IFNG-AS1: variants seen among roughly 807,000 people sequenced by gnomAD.
IFNG-AS1 encodes the protein IFNG regulatory antisense RNA 1.
intron 2 of IFNG-AS1, among the ~76,000 whole-genome samples, chr12:68,002,355 T>G (rs2906859): frequency 7.9e-5 from 12 of 152,074 alleles, no homozygotes; most frequent in African/African-American, 2.4e-4. Flanking sequence ...GTTGTGTCAA[T>G]GGACTCTCCC....
chr12:67,997,927 A>G (rs1262986427), intron 2 of IFNG-AS1, among the ~76,000 whole-genome samples: 1 of 152,102 alleles, frequency 6.6e-6, no homozygotes, highest in Non-Finnish European at 1.5e-5. Flanking sequence ...CTAGTGAAAT[A>G]CAAATTAAAA....
At chr12:67,999,309 G>A (rs1015725402) in intron 2 of IFNG-AS1, among the ~76,000 whole-genome samples, 1 of 152,112 alleles carries the variant, frequency 6.6e-6, no homozygotes, top group Non-Finnish European at 1.5e-5. Context: ...GACACCAGTA[G>A]CAATGAACAC....
At chr12:68,006,874 G>A (rs1200311832) in intron 3 of IFNG-AS1, among the ~76,000 whole-genome samples, 1 of 152,204 alleles carries the variant, frequency 6.6e-6, no homozygotes, top group Admixed American at 6.5e-5. Context: ...GCAGCTTTGT[G>A]AGACCATGAC....
intron 3 of IFNG-AS1, among the ~76,000 whole-genome samples, chr12:68,018,376 G>A (rs1301479194): frequency 1.3e-5 from 2 of 152,034 alleles, no homozygotes; most frequent in African/African-American, 4.8e-5. Flanking sequence ...ATACTCTCAG[G>A]GAACTCATCT....
At chr12:67,993,972 A>G (rs972494084) in intron 1 of IFNG-AS1, among the ~76,000 whole-genome samples, 2 of 152,222 alleles carry the variant, frequency 1.3e-5, no homozygotes, top group African/African-American at 4.8e-5. Context: ...CATAAAGGGC[A>G]GAGGGTCTCA....
intron 3 of IFNG-AS1, among the ~76,000 whole-genome samples, chr12:68,009,833 A>C (rs1879986195): frequency 6.6e-6 from 1 of 152,200 alleles, no homozygotes. Flanking sequence ...CCAGGGAAGC[A>C]GTACTCACTG....
chr12:68,011,975 A>G lies in IFNG-AS1; in HGVS notation n.241+5829A>G, dbSNP rs146023625. Among the ~76,000 whole-genome samples the G allele has an allele frequency of 1.2e-3, 184 of 152,230 alleles. 1 individual carries two copies. Among genetic ancestry groups the G allele is most frequent in the Non-Finnish European group, 1.3e-4 (9 of 68,004 alleles). ...TTACCCTGGAATGTCAGAACAAGCA[A>G]TCTGCTTTGAGTTGGGGAAGGTTTG... On this transcript the variant is annotated intron_variant and non_coding_transcript_variant, in intron 3 of 5. Coordinates refer to ENST00000536914, the Ensembl canonical transcript of IFNG-AS1.
At chr12:67,996,399 C>A (rs1341697268) in intron 2 of IFNG-AS1, among the ~76,000 whole-genome samples, 1 of 152,172 alleles carries the variant, frequency 6.6e-6, no homozygotes, top group East Asian at 1.9e-4. Context: ...AAAGATCATA[C>A]TTGTTGTATA....
intron 2 of IFNG-AS1, among the ~76,000 whole-genome samples, chr12:67,996,240 G>A (rs745946044): frequency 5.9e-5 from 9 of 152,206 alleles, no homozygotes; most frequent in South Asian, 2.1e-4. Context: ...TCAAAATACC[G>A]TATGATAGCA....
intron 2 of IFNG-AS1, among the ~76,000 whole-genome samples, chr12:68,004,845 T>G (rs907035082): frequency 9.9e-5 from 15 of 152,194 alleles, no homozygotes; most frequent in African/African-American, 3.4e-4. Context: ...TTCTCTGGAC[T>G]TTTCTTAGCG....
At chr12:67,996,357 A>C (rs1879641917) in intron 2 of IFNG-AS1, among the ~76,000 whole-genome samples, 1 of 152,262 alleles carries the variant, frequency 6.6e-6, no homozygotes. Flanking sequence ...GATTTAAACA[A>C]AGAGAATGCC....
rs1172223754 is a variant in IFNG-AS1 at position 68,015,944 on chromosome 12, G to T, written n.242-3918G>T. On this transcript the variant is annotated intron_variant and non_coding_transcript_variant, in intron 3 of 5. Coordinates refer to ENST00000536914, the Ensembl canonical transcript of IFNG-AS1. ...ATTTTCCTATCTGAAAACTAGAGAC[G>T]GGGGGGGGAAAAAAAACCTTTCCCA... Among the ~76,000 whole-genome samples, 15 of 656 alleles carry T rather than the reference G, an allele frequency of 0.023. No individual in the cohort carries two copies. The East Asian group carries it at 0.5, about 22-fold the overall frequency. The allele number at this position is 656 out of a possible 152,430, so 0.4% of individuals were successfully genotyped here. A position where few individuals can be genotyped will look rare whatever the true frequency, so the allele number is the denominator to read the frequency against.
intron 3 of IFNG-AS1, among the ~76,000 whole-genome samples, chr12:68,018,574 T>A (rs1156347239): frequency 6.6e-6 from 1 of 151,918 alleles, no homozygotes; most frequent in Non-Finnish European, 1.5e-5. Flanking sequence ...CTGAGCAATG[T>A]GGGGCCCATG....
intron 4 of IFNG-AS1, chr12:68,020,537 G>A (rs1010366879): frequency 6.6e-6 from 1 of 152,142 alleles, no homozygotes; most frequent in African/African-American, 2.4e-5. Context: ...AACCTCTAAG[G>A]TGGATTAAGC....
chr12:68,013,828 G>T (rs964639069), intron 3 of IFNG-AS1, among the ~76,000 whole-genome samples: 39 of 152,126 alleles, frequency 2.6e-4, no homozygotes, highest in African/African-American at 9.4e-4. Flanking sequence ...GGGTACAGGT[G>T]GTGTTTGGTT....
At chr12:67,994,345 C>T (rs1157366481) in intron 1 of IFNG-AS1, among the ~76,000 whole-genome samples, 1 of 152,160 alleles carries the variant, frequency 6.6e-6, no homozygotes, top group Admixed American at 6.5e-5. Flanking sequence ...CATTCATATC[C>T]GTCAACGCAT....
At chr12:68,009,745 G>A (rs995497932) in intron 3 of IFNG-AS1, among the ~76,000 whole-genome samples, 3 of 152,092 alleles carry the variant, frequency 2.0e-5, no homozygotes, top group East Asian at 1.9e-4. Context: ...CAGTCATTCC[G>A]AGATCTTGTC....
chr12:68,006,598 C>A lies in IFNG-AS1; in HGVS notation n.241+452C>A, dbSNP rs969633907. On this transcript the variant is annotated intron_variant and non_coding_transcript_variant, in intron 3 of 5. Transcript: ENST00000536914. ...TATAGGTGAAAGTGAAGGGATTTGG[C>A]AAATATAATTAAGGCCTCAAATCAG... Among the ~76,000 whole-genome samples, 13 of 152,092 alleles carry A rather than the reference C, an allele frequency of 8.5e-5. 1 individual carries two copies. The highest frequency in any genetic ancestry group is 3.1e-4 in the African/African-American group (13 of 41,396).
intron 3 of IFNG-AS1, chr12:68,013,556 G>A (rs904302283): frequency 6.6e-5 from 10 of 152,140 alleles, no homozygotes; most frequent in African/African-American, 2.4e-4. Context: ...ACACTAAGTG[G>A]GATGGTTAAT....
Sources: allele counts gnomAD v4.1 joint callset (sites outside exome capture counted in the v4.1 genomes callset), GRCh38; gene constraint gnomAD v4.1.1; transcripts MANE v1.5; gene names NCBI Gene and HGNC (gene_info 2026-07-23, HGNC 2026-07-21).